Variants in PLCD3 observed in about 807,000 individuals in gnomAD.
PLCD3 encodes the protein 1-phosphatidylinositol 4,5-bisphosphate phosphodiesterase delta-3.
A neutral mutation model predicts 82.8 loss-of-function variants in PLCD3; 62 were observed. The observed-to-expected ratio is 0.75, with a 90% CI of 0.61 to 0.93. The LOEUF (loss-of-function observed/expected upper bound fraction) is 0.93, where lower values mean the gene tolerates loss of function less well. Among genes scored for constraint, PLCD3 ranks in the 40% least tolerant of loss-of-function variants. The pLI is 0.00. For missense variants in PLCD3, 1,023 were observed against 1,103.4 expected (o/e 0.93, Z 1.03); for synonymous variants, 478 against 471.8 (o/e 1.01, Z -0.17).
At chr17:45,128,420 G>A (rs558613616) in intron 1 of PLCD3, among the ~76,000 whole-genome samples, 1 of 152,212 alleles carries the variant, frequency 6.6e-6, no homozygotes, top group Non-Finnish European at 1.5e-5. Flanking sequence ...GCTTAGACTG[G>A]AGGGCCACCC....
chr17:45,124,536 G>A (rs537738228), intron 1 of PLCD3, among the ~76,000 whole-genome samples: 1 of 152,358 alleles, frequency 6.6e-6, no homozygotes, highest in South Asian at 2.1e-4. Context: ...TGAACCCTGG[G>A]GCAGTGAGAG....
chr17:45,131,314 A>C (rs1226494476), intron 1 of PLCD3, among the ~76,000 whole-genome samples: 1 of 152,116 alleles, frequency 6.6e-6, no homozygotes, highest in Non-Finnish European at 1.5e-5. Context: ...CCTCTCCATC[A>C]CTGACTATTC....
intron 11 of PLCD3, 68 bp from the exon 12 acceptor site, chr17:45,113,673 A>G: frequency 1.3e-6 from 2 of 1,513,376 alleles, no homozygotes; most frequent in South Asian, 1.3e-5. Context: ...GTTTCAGGGG[A>G]CTGCATTCCT....
At chr17:45,117,918 G>C (rs1178613772) in intron 7 of PLCD3, 76 bp downstream of exon 7, 1 of 1,557,972 alleles carries the variant, frequency 6.4e-7, no homozygotes, top group Non-Finnish European at 8.7e-7. Flanking sequence ...AAGGACGGAG[G>C]GCAGCTGGCA....
intron 11 of PLCD3, among the ~76,000 whole-genome samples, chr17:45,113,904 C>T (rs1356935877): frequency 6.6e-6 from 1 of 152,118 alleles, no homozygotes; most frequent in African/African-American, 2.4e-5. Flanking sequence ...CCATCCTTAC[C>T]CCAAGGAGAC....
chr17:45,118,279 C>T lies in PLCD3; in HGVS notation c.1115+12G>A. On this transcript the variant is annotated intron_variant, in intron 6 of 14. Transcript: ENST00000619929. The surrounding 1 kb of genome is among the most constrained non-coding windows in gnomAD (Gnocchi z 4.1). ...TGGGGCTCCCGGAAACATTCACCCC[C>T]TGCTACAGTACCTAACATAGGCCTC... 6.2e-7 allele frequency: 1 copy of T among 1,613,996 alleles called. No homozygotes were observed. Among genetic ancestry groups the T allele is most frequent in the Non-Finnish European group, 8.5e-7 (1 of 1,179,864 alleles).
chr17:45,113,324 C>T (rs1224972893), intron 12 of PLCD3, 67 bp from the exon 13 acceptor site: 18 of 1,552,066 alleles, frequency 1.2e-5, no homozygotes, highest in Non-Finnish European at 1.5e-5. Flanking sequence ...GGGCCTCAAG[C>T]TCACACCACC....
In PLCD3 at chr17:45,118,812, C is replaced by A. The variant is rs372774673; in HGVS notation, c.913+3G>T. ...CACGACCTGGCCGTGCCACCCCCCC[C>A]ACCTGTCTCGTTGAGCTCATAGGTC... is the stretch of plus-strand genomic sequence containing the variant. On this transcript the variant is annotated splice_donor_region_variant and intron_variant, in intron 5 of 14. Coordinates refer to ENST00000619929, the MANE Select transcript of PLCD3 (RefSeq NM_133373.5). The surrounding 1 kb of genome is among the most constrained non-coding windows in gnomAD (Gnocchi z 4.1). The A allele has an allele frequency of 4.3e-3, 6,818 of 1,598,646 alleles. 31 individuals are homozygous for A. The highest frequency in any genetic ancestry group is 9.1e-3 in the Middle Eastern group (54 of 5,926).
At chr17:45,117,914 G>C in intron 7 of PLCD3, 80 bp downstream of exon 7, 1 of 1,546,046 alleles carries the variant, frequency 6.5e-7, no homozygotes, top group African/African-American at 1.4e-5. Flanking sequence ...CTGGAAGGAC[G>C]GAGGGCAGCT....
rs1364428055 is a variant in PLCD3 at position 45,113,613 on chromosome 17, C to T, written c.1829-8G>A. 1 of 1,553,812 alleles carries T rather than the reference C, an allele frequency of 6.4e-7. No individual in the cohort carries two copies. Among genetic ancestry groups the T allele is most frequent in the Non-Finnish European group, 8.7e-7 (1 of 1,148,336 alleles). ...TCTGGAAGTTCAAGGCCACTGTGGACACAGCAGGGTCAGAGCAGGGGCTCT... is the reference window on the plus strand; with the variant it reads ...TCTGGAAGTTCAAGGCCACTGTGGATACAGCAGGGTCAGAGCAGGGGCTCT... On this transcript the variant is annotated splice_region_variant and splice_polypyrimidine_tract_variant and intron_variant, in intron 11 of 14. Transcript: ENST00000619929.
At chr17:45,115,621 T>A (rs1164646923) in intron 8 of PLCD3, 131 bp from the exon 9 acceptor site, 1 of 770,902 alleles carries the variant, frequency 1.3e-6, no homozygotes, top group African/African-American at 1.7e-5. Flanking sequence ...GACACAGAGA[T>A]GAGCGATGTT....
In PLCD3 at chr17:45,120,964, C is replaced by T. The variant is rs753013366; in HGVS notation, c.492G>A (p.Val164=). 6.6e-7 allele frequency: 1 copy of T among 1,519,986 alleles called. No individual in the cohort carries two copies. Among genetic ancestry groups the T allele is most frequent in the East Asian group, 2.5e-5 (1 of 39,690 alleles). The allele number at this position is 1,519,986 out of a possible 1,614,324, so 94.2% of individuals were successfully genotyped here. A position where few individuals can be genotyped will look rare whatever the true frequency, so the allele number is the denominator to read the frequency against. The change falls in exon 3 of 15, where the codon GTG becomes GTA. Residue 164 remains valine, a synonymous_variant. Coordinates refer to ENST00000619929, the MANE Select transcript of PLCD3 (RefSeq NM_133373.5). Reference sequence around the variant, plus strand: ...GCGCGCGGAGCTTGGTCAGACCGCGCACCCAGCGCTGCGCTTCCTCAGCCG... The same window carrying T: ...GCGCGCGGAGCTTGGTCAGACCGCGTACCCAGCGCTGCGCTTCCTCAGCCG... ...APTAEEAQRW[V]RGLTKLRARL... is the part of the protein sequence containing the mutation.
intron 1 of PLCD3, 65 bp from the exon 2 acceptor site, chr17:45,121,437 C>T (rs534433691): frequency 3.5e-6 from 5 of 1,427,110 alleles, no homozygotes; most frequent in Middle Eastern, 2.6e-4. Context: ...TGCCCTCCCC[C>T]GCTAGGACCT....
intron 7 of PLCD3, among the ~76,000 whole-genome samples, chr17:45,117,667 T>C (rs1202762978): frequency 6.6e-6 from 1 of 152,244 alleles, no homozygotes; most frequent in Non-Finnish European, 1.5e-5. Context: ...CAGATGCCAC[T>C]GGTGAGCTTC....
chr17:45,126,549 C>T (rs959148266), intron 1 of PLCD3, among the ~76,000 whole-genome samples: 7 of 151,424 alleles, frequency 4.6e-5, no homozygotes, highest in East Asian at 1.9e-4. Context: ...GTGATCCACT[C>T]GCCTCGGCCT....
chr17:45,130,909 T>C (rs1187841903), intron 1 of PLCD3, among the ~76,000 whole-genome samples: 1 of 140,614 alleles, frequency 7.1e-6, no homozygotes, highest in Non-Finnish European at 1.5e-5. Flanking sequence ...CAGCCCCTCA[T>C]GTGCTGCCCC....
chr17:45,122,272 C>T (rs981463948), intron 1 of PLCD3, among the ~76,000 whole-genome samples: 4 of 152,170 alleles, frequency 2.6e-5, no homozygotes, highest in Non-Finnish European at 5.9e-5. Context: ...ATCCGGGAGG[C>T]GGAGGTTGCA....
chr17:45,118,637 C>T lies in PLCD3; in HGVS notation c.914-145G>A, dbSNP rs1401730941. The T allele has an allele frequency of 6.1e-6, 7 of 1,147,754 alleles. No homozygotes were observed. Among genetic ancestry groups the T allele is most frequent in the Admixed American group, 4.7e-5 (2 of 42,956 alleles). 71.1% of individuals were successfully genotyped at this position (1,147,754 alleles called of 1,614,324 possible). A position where few individuals can be genotyped will look rare whatever the true frequency, so the allele number is the denominator to read the frequency against. On this transcript the variant is annotated intron_variant, in intron 5 of 14. Transcript: ENST00000619929. This position sits in a 1 kb window ranked among gnomAD's most constrained non-coding sequence, Gnocchi z 4.1. ...CATGTAAGTCATGCCACTTAACCTT[C>T]GACCAGACCCTGGGAGGAAGACAAA...
Position 45,121,965 on chromosome 17 carries a change from A to C in PLCD3, c.164-593T>G, listed in dbSNP as rs186184594. The stretch of plus-strand genomic sequence containing the variant: ...GAGTGAGACTGCGTCTTAACAAAAA[A>C]AAAAAAAAATTGCCTTTTCTGCCAC... On this transcript the variant is annotated intron_variant, in intron 1 of 14. Coordinates refer to ENST00000619929, the MANE Select transcript of PLCD3 (RefSeq NM_133373.5). Among the ~76,000 whole-genome samples the C allele has an allele frequency of 8.1e-3, 1,226 of 151,828 alleles. 13 individuals carry two copies. The highest frequency in any genetic ancestry group is 0.028 in the African/African-American group (1,164 of 41,408).
Sources: allele counts gnomAD v4.1 joint callset (sites outside exome capture counted in the v4.1 genomes callset), GRCh38; gene constraint gnomAD v4.1.1; non-coding constraint Gnocchi (gnomAD v3.1); transcripts MANE v1.5; gene names NCBI Gene and HGNC (gene_info 2026-07-23, HGNC 2026-07-21).